RINT1: variants seen among roughly 807,000 people sequenced by gnomAD.
RINT1 encodes the protein RAD50 interactor 1.
RINT1 carries 75 observed loss-of-function variants against 97.7 expected under a neutral mutation model. That is an observed-to-expected ratio of 0.77 (90% CI 0.64 to 0.93). RINT1 has a LOEUF of 0.93. RINT1 is among the 40% of genes least tolerant of loss of function. RINT1 has a pLI of 0.00. For synonymous variants in RINT1, 303 were observed against 326.3 expected, an observed-to-expected ratio of 0.93 and a Z score of 0.77; for missense variants, 892 against 925.2, an observed-to-expected ratio of 0.96 and a Z score of 0.47.
intron 4 of RINT1, among the ~76,000 whole-genome samples, chr7:105,543,861 C>T (rs1240218992): frequency 1.3e-5 from 2 of 151,400 alleles, no homozygotes; most frequent in East Asian, 1.9e-4. Context: ...GAGGCCGAGG[C>T]GGGCAGATCA....
At position 105,563,760 on chromosome 7, in the gene RINT1, C is replaced by G; in HGVS notation, c.1699C>G (p.Leu567Val). Residue 567 changes from leucine to valine, a missense_variant, in exon 12 of 15, where the codon CTG becomes GTG. Coordinates refer to ENST00000257700, the MANE Select transcript of RINT1 (RefSeq NM_021930.6). The stretch of plus-strand genomic sequence containing the variant: ...CTTTCTACAACTTCAACAGGCTGCA[C>G]TGGAGGTGTTTGCAGAGAATAATAC... ...VFFLQLQQAA[L>V]EVFAENNTLS... 6.2e-7 allele frequency: 1 copy of G among 1,614,048 alleles called. No individual in the cohort carries two copies. The highest frequency in any genetic ancestry group is 1.1e-5 in the South Asian group (1 of 91,072).
chr7:105,552,730 G>A (rs1410835503), intron 10 of RINT1, among the ~76,000 whole-genome samples: 4 of 131,754 alleles, frequency 3.0e-5, no homozygotes, highest in Non-Finnish European at 4.6e-5. Context: ...CTGGAGTGCA[G>A]TGGCATGATC....
chr7:105,537,186 A>G (rs1790274724), intron 3 of RINT1, among the ~76,000 whole-genome samples: 1 of 147,602 alleles, frequency 6.8e-6, no homozygotes, highest in Non-Finnish European at 1.5e-5. Flanking sequence ...GTTGGAGTAC[A>G]ATGGCGCCAT....
Position 105,547,164 on chromosome 7 carries a change from G to T in RINT1, c.690-20G>T. 1 of 1,613,920 alleles carries T rather than the reference G, an allele frequency of 6.2e-7. No individual in the cohort carries two copies. Among genetic ancestry groups the T allele is most frequent in the South Asian group, 1.1e-5 (1 of 91,050 alleles). ...CATTTGGTGATGTACTGAAATGTATGTGTTACTTTTCCATTGCAGTGATTT... is the reference window on the plus strand; with the variant it reads ...CATTTGGTGATGTACTGAAATGTATTTGTTACTTTTCCATTGCAGTGATTT... On this transcript the variant is annotated intron_variant, in intron 5 of 14. Coordinates refer to ENST00000257700, the MANE Select transcript of RINT1 (RefSeq NM_021930.6).
At chr7:105,554,666 C>T (rs1791096490) in intron 10 of RINT1, among the ~76,000 whole-genome samples, 1 of 151,900 alleles carries the variant, frequency 6.6e-6, no homozygotes, top group Non-Finnish European at 1.5e-5. Context: ...TCTTGAACTC[C>T]TGACCTCAGT....
At chr7:105,562,317 C>T (rs1033202257) in intron 11 of RINT1, among the ~76,000 whole-genome samples, 3 of 152,316 alleles carry the variant, frequency 2.0e-5, no homozygotes, top group Non-Finnish European at 1.5e-5. Context: ...GTGGCACAAT[C>T]TTGGCTCACT....
chr7:105,552,759 T>C (rs577834660), intron 10 of RINT1, among the ~76,000 whole-genome samples: 1 of 136,596 alleles, frequency 7.3e-6, no homozygotes, highest in African/African-American at 2.6e-5. Context: ...CTGCAACCTC[T>C]GCTGCCCAGG....
In RINT1 at chr7:105,542,599, C is replaced by G. The variant is rs79893877; in HGVS notation, c.465C>G (p.Ile155Met). 8 of 1,613,976 alleles carry G rather than the reference C, an allele frequency of 5.0e-6. No individual in the cohort carries two copies. The highest frequency in any genetic ancestry group is 5.1e-6 in the Non-Finnish European group (6 of 1,179,958). ...CCATGATTAGCCAGATTGAAGAGAT[C>G]GAACGTCATCTTGCTTACCTTAAAT... The part of the protein sequence containing the change: ...LGTMISQIEE[I>M]ERHLAYLKWI... The change falls in exon 4 of 15, where the codon ATC (isoleucine) becomes ATG (methionine). Residue 155 changes from isoleucine (I) to methionine (M), a missense_variant. By Grantham distance (10) the Ile-to-Met change is conservative. Transcript: ENST00000257700.
chr7:105,562,276 G>A (rs148069612), intron 11 of RINT1, among the ~76,000 whole-genome samples: 61 of 152,264 alleles, frequency 4.0e-4, no homozygotes, highest in Non-Finnish European at 6.0e-4. Context: ...TCTGAGATGA[G>A]ATCTCGTTCT....
At chr7:105,538,053 C>G (rs903801503) in intron 3 of RINT1, among the ~76,000 whole-genome samples, 4 of 151,520 alleles carry the variant, frequency 2.6e-5, no homozygotes, top group Non-Finnish European at 5.9e-5. Context: ...AGTGCAATGG[C>G]GTGATCTCGG....
chr7:105,551,802 A>G (rs1050581492), intron 10 of RINT1, 95 bp downstream of exon 10: 5 of 1,014,428 alleles, frequency 4.9e-6, no homozygotes, highest in African/African-American at 1.6e-5. Context: ...GCAGTGGCTC[A>G]TGCCTGTAAT....
intron 11 of RINT1, among the ~76,000 whole-genome samples, chr7:105,559,568 A>C (rs13223948): frequency 1.6e-5 from 2 of 127,582 alleles, no homozygotes; most frequent in East Asian, 4.6e-4. Flanking sequence ...AAAAAAAAAA[A>C]GAAAAAGCCA....
At position 105,547,273 on chromosome 7, in the gene RINT1, C is replaced by T. The variant is rs906719122; in HGVS notation, c.779C>T (p.Ala260Val). The T allele has an allele frequency of 6.2e-7, 1 of 1,614,130 alleles. No homozygotes were observed. Among genetic ancestry groups the T allele is most frequent in the Non-Finnish European group, 8.5e-7 (1 of 1,179,978 alleles). Reference sequence around the variant, plus strand: ...GTTGGCTTAAGTCGACCTGCCAGTGCCCCGGAGATATACAGTTACCTGGAG... The same window carrying T: ...GTTGGCTTAAGTCGACCTGCCAGTGTCCCGGAGATATACAGTTACCTGGAG... ...QTVGLSRPAS[A>V]PEIYSYLETL... The change falls in exon 6 of 15, where the codon GCC becomes GTC. Residue 260 changes from alanine to valine, a missense_variant. Transcript: ENST00000257700.
At chr7:105,534,039 A>G (rs964290968) in intron 2 of RINT1, among the ~76,000 whole-genome samples, 1 of 152,086 alleles carries the variant, frequency 6.6e-6, no homozygotes, top group African/African-American at 2.4e-5. Context: ...AGAATGTACT[A>G]TGCCACATTT....
At chr7:105,565,024 T>C (rs1020284843) in intron 12 of RINT1, 19 of 333,440 alleles carry the variant, frequency 5.7e-5, no homozygotes, top group Non-Finnish European at 1.0e-4. Context: ...TAAATTGTAA[T>C]TGCCTTATAT....
intron 3 of RINT1, among the ~76,000 whole-genome samples, chr7:105,538,554 G>T (rs1000353574): frequency 6.6e-6 from 1 of 152,182 alleles, no homozygotes; most frequent in Non-Finnish European, 1.5e-5. Context: ...TATGTGTGTG[G>T]TCTGCCACCC....
intron 6 of RINT1, 77 bp from the exon 7 acceptor site, chr7:105,548,477 T>TTG (rs774132037): frequency 4.4e-6 from 6 of 1,369,490 alleles, no homozygotes; most frequent in Non-Finnish European, 5.2e-6. Context: ...GAAAAATTTA[T>TTG]TGTGTGTGTA....
rs1562864115 is a variant in RINT1, at chr7:105,567,206, TC to T, written c.2276del (p.Pro759LeufsTer6). The T allele has an allele frequency of 2.5e-6, 4 of 1,613,002 alleles. No individual in the cohort carries two copies. Among genetic ancestry groups the T allele is most frequent in the Non-Finnish European group, 3.4e-6 (4 of 1,179,486 alleles). ...DVLQSASGQL[P>X]ATAALNEVGI... The stretch of plus-strand genomic sequence containing the variant: ...TACTGCAGTCAGCTTCAGGGCAGCT[TC>T]CTGCCACAGCAGCATTAAATGAAGT... On this transcript the variant is annotated frameshift_variant, in exon 15 of 15. Coordinates refer to ENST00000257700, the MANE Select transcript of RINT1 (RefSeq NM_021930.6). LOFTEE classifies it high-confidence loss of function.
At chr7:105,559,386 C>T (rs184987523) in intron 11 of RINT1, among the ~76,000 whole-genome samples, 1 of 151,790 alleles carries the variant, frequency 6.6e-6, no homozygotes, top group Admixed American at 6.6e-5. Context: ...ACTAAAAATA[C>T]AAAAACTAGC....
Sources: allele counts gnomAD v4.1 joint callset (sites outside exome capture counted in the v4.1 genomes callset), GRCh38; gene constraint gnomAD v4.1.1; transcripts MANE v1.5; gene names NCBI Gene and HGNC (gene_info 2026-07-23, HGNC 2026-07-21).